Variants in RPUSD4 observed in about 807,000 individuals in gnomAD.
RPUSD4 encodes the protein RNA pseudouridine synthase D4.
RPUSD4 carries 37 observed loss-of-function variants against 35.4 expected under a neutral mutation model. The ratio of observed to expected loss-of-function variants is 1.04; its 90% confidence interval spans 0.80 to 1.37. The LOEUF is 1.37. Among genes scored for constraint, RPUSD4 ranks in the 40% most tolerant of loss-of-function variants. The pLI is 0.00. For missense variants in RPUSD4, 507 were observed against 484.9 expected (o/e 1.05, Z -0.43); for synonymous variants, 210 against 192.7 (o/e 1.09, Z -0.74).
chr11:126,203,758 A>AC, intron 6 of RPUSD4, 101 bp from the exon 7 acceptor site: 1 of 1,416,956 alleles, frequency 7.1e-7, no homozygotes, highest in East Asian at 2.4e-5. Context: ...ACCAAAACTA[A>AC]CCCCCTGGAA....
At chr11:126,208,062 A>G (rs1489608505) in intron 3 of RPUSD4, among the ~76,000 whole-genome samples, 1 of 152,138 alleles carries the variant, frequency 6.6e-6, no homozygotes, top group Non-Finnish European at 1.5e-5. Flanking sequence ...CAAACCCTTT[A>G]AAAATGCTTT....
At chr11:126,208,484 G>C (rs1053240369) in intron 3 of RPUSD4, 1 of 152,272 alleles carries the variant, frequency 6.6e-6, no homozygotes, top group Non-Finnish European at 1.5e-5. Flanking sequence ...ATTGACGCTG[G>C]GGAAGGCAAC....
At position 126,211,465 on chromosome 11, in the gene RPUSD4, G is replaced by A. The variant is rs982546910; in HGVS notation, c.174C>T (p.Asp58=). Reference sequence around the variant, plus strand: ...TTGGACTCACCGGCTCCTTCTTTGTGTCTTGTTCCCGTTTCTGGGCTCGGA... The same window carrying A: ...TTGGACTCACCGGCTCCTTCTTTGTATCTTGTTCCCGTTTCTGGGCTCGGA... ...EKLRAQKREQ[D]TKKEPVSTNA... Residue 58 remains aspartate, a synonymous_variant, in exon 1 of 7, where the codon GAC becomes GAT. Transcript: ENST00000298317. The A allele has an allele frequency of 1.2e-5, 20 of 1,613,436 alleles. No homozygotes were observed. Among genetic ancestry groups the A allele is most frequent in the Non-Finnish European group, 1.6e-5 (19 of 1,179,724 alleles).
Position 126,210,898 on chromosome 11 carries a change from G to A in RPUSD4, c.347C>T (p.Pro116Leu), listed in dbSNP as rs375006392. 28 of 1,613,888 alleles carry A rather than the reference G, an allele frequency of 1.7e-5. No individual in the cohort carries two copies. The highest frequency in any genetic ancestry group is 2.3e-5 in the Non-Finnish European group (27 of 1,179,942). Residue 116 changes from proline to leucine, a missense_variant, in exon 2 of 7, where the codon CCT (proline) becomes CTT (leucine). Transcript: ENST00000298317. ...LVVINKPYGLPVHGGPGVQLC... is the reference protein window; with the variant it reads ...LVVINKPYGLLVHGGPGVQLC... ...TCCCGCGTGGTCCTTACCATGCACAGGGAGACCGTAGGGCTTATTGATGAC... is the reference window on the plus strand; with the variant it reads ...TCCCGCGTGGTCCTTACCATGCACAAGGAGACCGTAGGGCTTATTGATGAC...
At chr11:126,206,500 T>C (rs1471236285) in intron 3 of RPUSD4, 1 of 152,188 alleles carries the variant, frequency 6.6e-6, no homozygotes, top group East Asian at 1.9e-4. Context: ...GAGGTTGCAG[T>C]GGGCCAAGAT....
chr11:126,209,710 A>G lies in RPUSD4; in HGVS notation c.368T>C (p.Val123Ala). 1 of 1,613,340 alleles carries G rather than the reference A, an allele frequency of 6.2e-7. No individual in the cohort carries two copies. The highest frequency in any genetic ancestry group is 1.3e-5 in the African/African-American group (1 of 75,042). Residue 123 changes from valine to alanine, a missense_variant, in exon 3 of 7, where the codon GTC (valine) becomes GCC (alanine). Transcript: ENST00000298317. ...TAGTACATCAGTGATGCAGAGCTGG[A>G]CCCCAGGGCCACCTAAGAAGGAAAA... ...YGLPVHGGPG[V>A]QLCITDVLPI...
intron 2 of RPUSD4, among the ~76,000 whole-genome samples, chr11:126,210,091 G>C (rs1414936313): frequency 6.6e-6 from 1 of 152,198 alleles, no homozygotes; most frequent in African/African-American, 2.4e-5. Context: ...TTCGGGGTTA[G>C]ACATTCCTGG....
At chr11:126,207,208 G>A (rs1300180032) in intron 3 of RPUSD4, among the ~76,000 whole-genome samples, 1 of 152,066 alleles carries the variant, frequency 6.6e-6, no homozygotes, top group Non-Finnish European at 1.5e-5. Flanking sequence ...AGAAAACAAA[G>A]CTTATGGACA....
rs1431878630 is a variant in RPUSD4, at chr11:126,210,756, T to C, written c.355+134A>G. 3.6e-5 allele frequency: 27 copies of C among 740,494 alleles called. 1 individual carries two copies. The South Asian group carries it at 4.0e-4, about 11-fold the overall frequency. The allele number at this position is 740,494 out of a possible 1,614,324, so 45.9% of individuals were successfully genotyped here. A position where few individuals can be genotyped will look rare whatever the true frequency, so the allele number is the denominator to read the frequency against. On this transcript the variant is annotated intron_variant, in intron 2 of 6. Coordinates refer to ENST00000298317, the MANE Select transcript of RPUSD4 (RefSeq NM_032795.3). ...CTGTGTTCTCGGTGGTTCCTTATAT[T>C]GGACGGTAGTTTACAAAAGTTTAAT...
Position 126,203,432 on chromosome 11 carries a change from G to A in RPUSD4, c.1120C>T (p.Leu374=). 6.2e-7 allele frequency: 1 copy of A among 1,613,380 alleles called. No individual in the cohort carries two copies. The highest frequency in any genetic ancestry group is 8.5e-7 in the Non-Finnish European group (1 of 1,180,026). Reference sequence around the variant, plus strand: ...TCCCATGGTCTTCACTGTGCTCCCAGACACTTGGCTTCATTGTTCTCATTT... The same window carrying A: ...TCCCATGGTCTTCACTGTGCTCCCAAACACTTGGCTTCATTGTTCTCATTT... ...DQNENNEAKC[L]GAQ The change falls in exon 7 of 7, where the codon CTG becomes TTG. Residue 374 remains leucine, a synonymous_variant. Transcript: ENST00000298317.
At chr11:126,211,405 A>G (rs1465815901) in intron 1 of RPUSD4, 45 bp downstream of exon 1, 2 of 1,548,382 alleles carry the variant, frequency 1.3e-6, no homozygotes, top group Non-Finnish European at 1.7e-6. Flanking sequence ...CTGGGAAACC[A>G]ATGAGCGCAC....
At chr11:126,209,271 G>A (rs1461525161) in intron 3 of RPUSD4, 16 of 430,952 alleles carry the variant, frequency 3.7e-5, no homozygotes, top group South Asian at 1.4e-4. Context: ...GATTACAGGC[G>A]TGAGCCACCA....
rs908303321 is a variant in RPUSD4 at position 126,202,742 on chromosome 11, A to G, written c.*676T>C. 4 of 152,248 alleles carry G rather than the reference A, an allele frequency of 2.6e-5. No individual in the cohort carries two copies. Among genetic ancestry groups the G allele is most frequent in the Non-Finnish European group, 5.9e-5 (4 of 68,056 alleles). 9.4% of individuals were successfully genotyped at this position (152,248 alleles called of 1,614,324 possible). On this transcript the variant is annotated 3_prime_UTR_variant, in exon 7 of 7. Coordinates refer to ENST00000298317, the MANE Select transcript of RPUSD4 (RefSeq NM_032795.3). ...CTTCTCTGAAGAAATGAGAAAATCC[A>G]TTCCCACATGGCAACAACCAGCTGG...
chr11:126,210,746 TTCCTTATATTGGA>T, intron 2 of RPUSD4, 131 bp downstream of exon 2: 1 of 722,324 alleles, frequency 1.4e-6, no homozygotes, highest in Admixed American at 3.0e-5. Flanking sequence ...TTCTCGGTGG[TTCCTTATATTGGA>T]CGGTAGTTTA....
rs1231422244 is a variant in RPUSD4 at position 126,203,172 on chromosome 11, T to G, written c.*246A>C. 2.1e-6 allele frequency: 1 copy of G among 477,774 alleles called. No homozygotes were observed. The highest frequency in any genetic ancestry group is 3.7e-6 in the Non-Finnish European group (1 of 272,156). 29.6% of individuals were successfully genotyped at this position (477,774 alleles called of 1,614,324 possible). A position where few individuals can be genotyped will look rare whatever the true frequency, so the allele number is the denominator to read the frequency against. On this transcript the variant is annotated 3_prime_UTR_variant, in exon 7 of 7. Coordinates refer to ENST00000298317, the MANE Select transcript of RPUSD4 (RefSeq NM_032795.3). ...AATGAGAGCCCACGGCAGGGAGACT[T>G]CCAGCAGGCTTTTCCACAGTGCAGC...
At chr11:126,206,615 T>A (rs1949777474) in intron 3 of RPUSD4, 1 of 152,132 alleles carries the variant, frequency 6.6e-6, no homozygotes, top group Non-Finnish European at 1.5e-5. Context: ...TCATTCCAAA[T>A]CACTTCTGTT....
chr11:126,210,550 C>G (rs1247687602), intron 2 of RPUSD4, among the ~76,000 whole-genome samples: 1 of 144,634 alleles, frequency 6.9e-6, no homozygotes, highest in Non-Finnish European at 1.5e-5. Context: ...CACACACACA[C>G]CCCCTTTTTT....
At position 126,203,651 on chromosome 11, in the gene RPUSD4, A is replaced by G. The variant is rs766828124; in HGVS notation, c.901T>C (p.Ser301Pro). 4.1e-5 allele frequency: 66 copies of G among 1,612,182 alleles called. No individual in the cohort carries two copies. The highest frequency in any genetic ancestry group is 5.3e-5 in the Non-Finnish European group (63 of 1,178,742). The change falls in exon 7 of 7, where the codon TCT (serine) becomes CCT (proline). Residue 301 changes from serine to proline, a missense_variant. By Grantham distance (74) the Ser-to-Pro change is moderately conservative (BLOSUM62 -1). Coordinates refer to ENST00000298317, the MANE Select transcript of RPUSD4 (RefSeq NM_032795.3). ...DWNRLAPQKL[S>P]VGTLKKLGLE... ...CCCAGCTTCTTCAGGGTGCCCACAG[A>G]CAGCTTCTATACAAAGAAAGGACAG...
At chr11:126,211,140 A>G (rs1240907174) in intron 1 of RPUSD4, 85 bp from the exon 2 acceptor site, 1 of 1,468,766 alleles carries the variant, frequency 6.8e-7, no homozygotes, top group African/African-American at 1.4e-5. Context: ...TGAGAATCTG[A>G]GTAGGGAATG....
Sources: allele counts gnomAD v4.1 joint callset (sites outside exome capture counted in the v4.1 genomes callset), GRCh38; gene constraint gnomAD v4.1.1; transcripts MANE v1.5; gene names NCBI Gene and HGNC (gene_info 2026-07-23, HGNC 2026-07-21).